The following PTPRT variants were observed in gnomAD, a reference collection of about 807,000 sequenced individuals.
PTPRT encodes protein tyrosine phosphatase receptor type T.
PTPRT carries 56 observed loss-of-function variants against 176.8 expected under a neutral mutation model. That is an observed-to-expected ratio of 0.32 (90% CI 0.26 to 0.40). PTPRT has a LOEUF of 0.40. Ranked by LOEUF, PTPRT falls within the 10% of genes least tolerant of loss-of-function variation. The probability of loss-of-function intolerance (pLI) is 1.00; values close to 1 mark genes in which losing one functional copy is unlikely to be tolerated. For missense variants in PTPRT, 1,540 were observed against 1,908.2 expected, an observed-to-expected ratio of 0.81 and a Z score of 3.60; for synonymous variants, 783 against 739.0, an observed-to-expected ratio of 1.06 and a Z score of -0.96.
chr20:42,642,760 T>C (rs2145936463), intron 7 of PTPRT, among the ~76,000 whole-genome samples: 1 of 152,264 alleles, frequency 6.6e-6, no homozygotes, highest in African/African-American at 2.4e-5. Flanking sequence ...AACCCCACTT[T>C]GGGAGGTTAA....
chr20:42,571,170 G>A (rs150356498), intron 7 of PTPRT, among the ~76,000 whole-genome samples: 32 of 152,326 alleles, frequency 2.1e-4, no homozygotes, highest in African/African-American at 6.5e-4. Context: ...TGCATAACAA[G>A]TGTAAAAAGC....
chr20:42,644,229 C>A (rs184239371), intron 7 of PTPRT, among the ~76,000 whole-genome samples: 2 of 152,226 alleles, frequency 1.3e-5, no homozygotes, highest in Non-Finnish European at 2.9e-5. Context: ...TGACAGCCTC[C>A]TCTTAGGGCC....
intron 16 of PTPRT, among the ~76,000 whole-genome samples, chr20:42,171,793 A>C (rs1990090082): frequency 6.6e-6 from 1 of 152,190 alleles, no homozygotes; most frequent in Non-Finnish European, 1.5e-5. Flanking sequence ...AAAACTGTGT[A>C]ATACCACTGA....
chr20:42,303,460 G>C (rs2057499789), intron 12 of PTPRT, among the ~76,000 whole-genome samples: 1 of 152,118 alleles, frequency 6.6e-6, no homozygotes, highest in South Asian at 2.1e-4. Context: ...CCTCTATGAA[G>C]CTATCTTGTG....
chr20:42,462,744 T>C (rs1294621129), intron 8 of PTPRT, among the ~76,000 whole-genome samples: 10 of 152,160 alleles, frequency 6.6e-5, no homozygotes, highest in Non-Finnish European at 1.3e-4. Flanking sequence ...CTGAACACCC[T>C]GAAATAAAAA....
In PTPRT at chr20:42,947,180, A is replaced by G. The variant is rs1472448066; in HGVS notation, c.89-61248T>C. On this transcript the variant is annotated intron_variant, in intron 1 of 30. Coordinates refer to ENST00000373187, the MANE Select transcript of PTPRT (RefSeq NM_007050.6). Reference sequence around the variant, plus strand: ...GCCCGTACTACCTGCATTCCACCCAATTCCCAGCCACTCACAGGCAGCTGG... The same window carrying G: ...GCCCGTACTACCTGCATTCCACCCAGTTCCCAGCCACTCACAGGCAGCTGG... Among the ~76,000 whole-genome samples, 5 of 152,296 alleles carry G rather than the reference A, an allele frequency of 3.3e-5. No individual in the cohort carries two copies. In the East Asian group the frequency reaches 5.8e-4, roughly 18 times the overall value.
chr20:42,107,497 C>T (rs1372201030), intron 23 of PTPRT, among the ~76,000 whole-genome samples: 2 of 152,244 alleles, frequency 1.3e-5, no homozygotes, highest in African/African-American at 2.4e-5. Context: ...TACATACTTA[C>T]TTGATTTCTG....
rs577672758 is a variant in PTPRT at position 42,458,791 on chromosome 20, T to C, written c.1451-10462A>G. 4.6e-5 allele frequency among the ~76,000 whole-genome samples: 7 copies of C among 152,338 alleles called. No individual in the cohort carries two copies. In the East Asian group the frequency reaches 9.6e-4, roughly 21 times the overall value. ...CTATGGTAAATGATCTTAAATCTAA[T>C]TTTTCTCTGAGGACTCAGAATTCAT... On this transcript the variant is annotated intron_variant, in intron 8 of 30. Transcript: ENST00000373187.
intron 18 of PTPRT, among the ~76,000 whole-genome samples, chr20:42,138,778 C>G (rs1227737570): frequency 6.6e-6 from 1 of 152,202 alleles, no homozygotes. Context: ...CCCACTGTCT[C>G]TATTACTAAA....
At chr20:42,551,463 A>G (rs894428605) in intron 7 of PTPRT, among the ~76,000 whole-genome samples, 6 of 152,116 alleles carry the variant, frequency 3.9e-5, no homozygotes, top group Non-Finnish European at 8.8e-5. Flanking sequence ...TGCTGCCTAC[A>G]CTATTTTCTA....
intron 9 of PTPRT, among the ~76,000 whole-genome samples, chr20:42,422,625 T>C (rs1176226326): frequency 1.3e-5 from 2 of 152,242 alleles, no homozygotes; most frequent in African/African-American, 4.8e-5. Context: ...TCAGCCATTG[T>C]GGAAGGCAGT....
chr20:42,623,860 C>A (rs915106221), intron 7 of PTPRT, among the ~76,000 whole-genome samples: 1 of 151,928 alleles, frequency 6.6e-6, no homozygotes, highest in African/African-American at 2.4e-5. Context: ...TAGAATGTCC[C>A]TTTCTGTTTT....
chr20:42,770,052 A>G (rs1478831903), intron 5 of PTPRT, among the ~76,000 whole-genome samples: 2 of 152,242 alleles, frequency 1.3e-5, no homozygotes, highest in Non-Finnish European at 2.9e-5. Context: ...ATAGTTTCAC[A>G]TGTAAACATA....
chr20:42,723,069 A>T (rs570229003), intron 6 of PTPRT, among the ~76,000 whole-genome samples: 3 of 152,202 alleles, frequency 2.0e-5, no homozygotes, highest in African/African-American at 7.2e-5. Context: ...ATATAACCTC[A>T]GAATGTCTTC....
chr20:42,617,547 C>T (rs1442051075), intron 7 of PTPRT, among the ~76,000 whole-genome samples: 1 of 136,094 alleles, frequency 7.3e-6, no homozygotes, highest in Non-Finnish European at 1.5e-5. Context: ...TGGTAGAATT[C>T]AGCTGTGAAT....
At chr20:42,488,689 G>C (rs1236569957) in intron 7 of PTPRT, among the ~76,000 whole-genome samples, 1 of 148,674 alleles carries the variant, frequency 6.7e-6, no homozygotes, top group African/African-American at 2.6e-5. Context: ...CAAGTGCCAG[G>C]CGCAGTGGCT....
At chr20:43,143,896 A>G (rs186413326) in intron 1 of PTPRT, among the ~76,000 whole-genome samples, 6 of 152,298 alleles carry the variant, frequency 3.9e-5, no homozygotes, top group Admixed American at 3.9e-4. Flanking sequence ...CTAACGCATG[A>G]GTGCCTTCTA....
chr20:43,165,606 T>C (rs578065619), intron 1 of PTPRT, among the ~76,000 whole-genome samples: 3 of 152,330 alleles, frequency 2.0e-5, no homozygotes, highest in Admixed American at 1.3e-4. Flanking sequence ...CAGGTATTGC[T>C]TCACAGCAGT....
chr20:42,133,855 T>C (rs1377065030), intron 18 of PTPRT, among the ~76,000 whole-genome samples: 1 of 152,154 alleles, frequency 6.6e-6, no homozygotes, highest in African/African-American at 2.4e-5. Context: ...TAAAGAAAAA[T>C]GCTAGGACAA....
Sources: gnomAD v4.1 joint callset for allele counts (sites outside exome capture counted in the v4.1 genomes callset) on GRCh38, gnomAD v4.1.1 for gene constraint, MANE v1.5 for transcripts, NCBI Gene and HGNC (gene_info 2026-07-23, HGNC 2026-07-21) for gene names.